Variants in GNB1 observed in about 807,000 individuals in gnomAD.
GNB1 encodes the protein G protein subunit beta 1, also known as guanine nucleotide-binding protein G(I)/G(S)/G(T) subunit beta-1.
Under a neutral mutation model 42.9 loss-of-function variants are expected in GNB1, and 2 were observed. The ratio of observed to expected loss-of-function variants is 0.05; its 90% CI spans 0.02 to 0.15. GNB1 has a LOEUF of 0.15. Ranked by LOEUF, GNB1 falls within the 10% of genes least tolerant of loss-of-function variation. The pLI is 1.00. For synonymous variants in GNB1, 183 were observed against 174.7 expected, an observed-to-expected ratio of 1.05 and a Z score of -0.38; for missense variants, 193 against 462.2, an observed-to-expected ratio of 0.42 and a Z score of 5.34.
chr1:1,872,761 C>T (rs1262789864), intron 1 of GNB1, among the ~76,000 whole-genome samples: 9 of 152,198 alleles, frequency 5.9e-5, no homozygotes, highest in Admixed American at 4.6e-4. Context: ...GCCCAAACTT[C>T]GCTTCTTCCA....
chr1:1,823,980 G>A (rs1646965302), intron 3 of GNB1, among the ~76,000 whole-genome samples: 1 of 151,988 alleles, frequency 6.6e-6, no homozygotes, highest in East Asian at 1.9e-4. Context: ...GATCCTCCTG[G>A]GTAGCTCAGA....
intron 5 of GNB1, among the ~76,000 whole-genome samples, chr1:1,808,960 T>C (rs1208245044): frequency 1.3e-5 from 2 of 152,164 alleles, no homozygotes; most frequent in African/African-American, 4.8e-5. Context: ...GTTTTAACTA[T>C]TTCAGCTGTG....
At chr1:1,865,910 T>C (rs1648911516) in intron 1 of GNB1, among the ~76,000 whole-genome samples, 2 of 152,188 alleles carry the variant, frequency 1.3e-5, no homozygotes, top group Admixed American at 6.5e-5. Context: ...TTGTTGTTTT[T>C]TGAGACCACG....
chr1:1,871,319 G>A (rs1224486068), intron 1 of GNB1, among the ~76,000 whole-genome samples: 2 of 152,102 alleles, frequency 1.3e-5, no homozygotes, highest in Non-Finnish European at 2.9e-5. Context: ...AATTAGCCAG[G>A]CATGGTGGCA....
chr1:1,867,169 A>G (rs1171456913), intron 1 of GNB1, among the ~76,000 whole-genome samples: 1 of 152,194 alleles, frequency 6.6e-6, no homozygotes, highest in Non-Finnish European at 1.5e-5. Flanking sequence ...CGGGAGGCTG[A>G]GGCAGAAGAA....
At chr1:1,877,709 C>T (rs1649626691) in intron 1 of GNB1, among the ~76,000 whole-genome samples, 1 of 151,926 alleles carries the variant, frequency 6.6e-6, no homozygotes, top group Admixed American at 6.6e-5. Context: ...AAAACTGAGA[C>T]AACAGGAACA....
chr1:1,880,171 G>C (rs528985725), intron 1 of GNB1, among the ~76,000 whole-genome samples: 173 of 152,104 alleles, frequency 1.1e-3, no homozygotes, highest in African/African-American at 3.8e-3. Context: ...AGCCTCAAGT[G>C]ATCCTCCTGC....
intron 1 of GNB1, among the ~76,000 whole-genome samples, chr1:1,876,467 AAG>A (rs1649548553): frequency 6.7e-6 from 1 of 150,036 alleles, no homozygotes; most frequent in Admixed American, 6.6e-5. Flanking sequence ...AAGAGAGAGC[AAG>A]AGAGAGGACA....
chr1:1,799,251 G>A (rs1179128428), intron 7 of GNB1, among the ~76,000 whole-genome samples: 2 of 152,166 alleles, frequency 1.3e-5, no homozygotes, highest in African/African-American at 4.8e-5. Context: ...AAATGTGTGT[G>A]TGTGTTTTTT....
At chr1:1,839,822 C>G (rs1570696373) in intron 1 of GNB1, 1 of 151,932 alleles carries the variant, frequency 6.6e-6, no homozygotes, top group South Asian at 2.1e-4. Flanking sequence ...CCACTGCATT[C>G]CAGCCTAGGT....
chr1:1,801,188 T>C (rs12130589), intron 7 of GNB1, among the ~76,000 whole-genome samples: 29,089 of 152,150 alleles, frequency 0.19, 2,944 homozygotes, highest in Middle Eastern at 0.31. Flanking sequence ...CCACCATGCT[T>C]GGCTAATTTT....
chr1:1,862,169 C>A (rs1648667588), intron 1 of GNB1, among the ~76,000 whole-genome samples: 1 of 152,130 alleles, frequency 6.6e-6, no homozygotes. Flanking sequence ...TTGCAGTGAG[C>A]CAAGATTGCG....
chr1:1,828,601 T>A (rs753294066), intron 2 of GNB1, among the ~76,000 whole-genome samples: 6 of 152,182 alleles, frequency 3.9e-5, no homozygotes, highest in Non-Finnish European at 8.8e-5. Flanking sequence ...CAAAACTCGC[T>A]AACTTTCATC....
chr1:1,837,255 A>AT (rs35300114), intron 2 of GNB1, among the ~76,000 whole-genome samples: 21,700 of 138,224 alleles, frequency 0.16, 2,012 homozygotes, highest in Middle Eastern at 0.28. Context: ...CATTGAGTTA[A>AT]TTTTTTTTTT....
intron 1 of GNB1, among the ~76,000 whole-genome samples, chr1:1,885,847 C>T (rs1570765362): frequency 6.7e-6 from 1 of 148,786 alleles, no homozygotes; most frequent in South Asian, 2.1e-4. Context: ...CGTGAGCCAC[C>T]GTGCCCGGCC....
At chr1:1,831,947 A>T (rs1173290167) in intron 2 of GNB1, among the ~76,000 whole-genome samples, 1 of 151,398 alleles carries the variant, frequency 6.6e-6, no homozygotes, top group East Asian at 2.0e-4. Context: ...CTGTAGTCCC[A>T]GCTACTTGGG....
chr1:1,846,384 T>C (rs1414090978), intron 1 of GNB1, among the ~76,000 whole-genome samples: 1 of 151,992 alleles, frequency 6.6e-6, no homozygotes, highest in African/African-American at 2.4e-5. Context: ...CAGGCCAACG[T>C]GGTGAAACTC....
chr1:1,843,334 C>T (rs1172212082), intron 1 of GNB1, among the ~76,000 whole-genome samples: 2 of 152,148 alleles, frequency 1.3e-5, no homozygotes, highest in African/African-American at 4.8e-5. Flanking sequence ...ATCCTCCTGC[C>T]TCAGCCTCCT....
At chr1:1,817,599 T>G (rs1646874610) in intron 4 of GNB1, 1 of 391,976 alleles carries the variant, frequency 2.6e-6, no homozygotes. Flanking sequence ...ATTTTACAAC[T>G]ATTACCCTCT....
Sources: allele counts gnomAD v4.1 joint callset (sites outside exome capture counted in the v4.1 genomes callset), GRCh38; gene constraint gnomAD v4.1.1; transcripts MANE v1.5; gene names NCBI Gene and HGNC (gene_info 2026-07-23, HGNC 2026-07-21).